The following DYM variants were observed in gnomAD, a reference collection of about 807,000 sequenced individuals.
DYM encodes the protein dyggve-Melchior-Clausen syndrome protein.
Under a neutral mutation model 93.1 loss-of-function variants are expected in DYM, and 78 were observed. The ratio of observed to expected loss-of-function variants is 0.84; its 90% CI spans 0.70 to 1.01. The LOEUF is 1.01. DYM is among the 50% of genes least tolerant of loss of function. The probability of loss-of-function intolerance (pLI) is 0.00; values close to 1 mark genes in which losing one functional copy is unlikely to be tolerated. For missense variants in DYM, 789 were observed against 845.0 expected, an observed-to-expected ratio of 0.93 and a Z score of 0.82; for synonymous variants, 321 against 319.7, an observed-to-expected ratio of 1.00 and a Z score of -0.04.
intron 17 of DYM, among the ~76,000 whole-genome samples, chr18:49,045,102 C>T (rs916037321): frequency 6.6e-6 from 1 of 152,176 alleles, no homozygotes; most frequent in Non-Finnish European, 1.5e-5. Context: ...GCCAAGGCGT[C>T]GCTGGCAGGA....
intron 14 of DYM, among the ~76,000 whole-genome samples, chr18:49,168,193 G>T (rs1375716272): frequency 6.6e-6 from 1 of 152,078 alleles, no homozygotes; most frequent in Admixed American, 6.5e-5. Context: ...GAAAAAGGGA[G>T]TCCAGCTCTC....
intron 1 of DYM, among the ~76,000 whole-genome samples, chr18:49,435,300 G>A (rs76322267): frequency 0.092 from 13,903 of 151,204 alleles, 859 homozygotes; most frequent in East Asian, 0.31. Flanking sequence ...AATTAGGAAT[G>A]CTTTGTTATT....
intron 14 of DYM, among the ~76,000 whole-genome samples, chr18:49,193,311 T>G (rs1370882740): frequency 6.6e-6 from 1 of 152,188 alleles, no homozygotes; most frequent in Non-Finnish European, 1.5e-5. Context: ...AAAAAATATT[T>G]TGTATGCATG....
chr18:49,393,010 AG>A (rs1262382173), intron 2 of DYM, among the ~76,000 whole-genome samples: 20 of 115,428 alleles, frequency 1.7e-4, no homozygotes, highest in African/African-American at 5.5e-4. Flanking sequence ...AAAAAAAAGA[AG>A]AAGAAGAAGA....
Position 49,118,743 on chromosome 18 carries a change from C to T in DYM, c.1911+1G>A, listed in dbSNP as rs1381393788. On this transcript the variant is annotated splice_donor_variant, in intron 16 of 17. Coordinates refer to ENST00000675505, the MANE Select transcript of DYM (RefSeq NM_001353214.3). LOFTEE classifies it high-confidence loss of function. ...TAATAAATGTCTTCATTTACACTCA[C>T]CAGATCAATATTTTGCATTATATCC... 3.7e-6 allele frequency: 6 copies of T among 1,612,396 alleles called. No homozygotes were observed. The Admixed American group carries it at 6.7e-5, about 18-fold the overall frequency.
At chr18:49,351,587 G>T (rs1198969842) in intron 6 of DYM, among the ~76,000 whole-genome samples, 1 of 137,420 alleles carries the variant, frequency 7.3e-6, no homozygotes, top group East Asian at 2.1e-4. Context: ...CCGAGGAAAA[G>T]AAAAAAAAAA....
chr18:49,404,441 T>C (rs1331092620), intron 2 of DYM, among the ~76,000 whole-genome samples: 1 of 152,250 alleles, frequency 6.6e-6, no homozygotes, highest in Admixed American at 6.5e-5. Context: ...TACCCAGTAA[T>C]AGGATTGCTG....
chr18:49,377,627 C>T (rs1173735019), intron 5 of DYM, among the ~76,000 whole-genome samples: 1 of 152,092 alleles, frequency 6.6e-6, no homozygotes, highest in African/African-American at 2.4e-5. Context: ...TCCCCATAGA[C>T]ATGGATATAC....
At chr18:49,245,463 G>C (rs1568093342) in intron 13 of DYM, among the ~76,000 whole-genome samples, 1 of 152,108 alleles carries the variant, frequency 6.6e-6, no homozygotes, top group Non-Finnish European at 1.5e-5. Context: ...CCTGGGGGTA[G>C]GTATATAGAT....
At chr18:49,310,251 T>C (rs1240402679) in intron 8 of DYM, among the ~76,000 whole-genome samples, 1 of 152,254 alleles carries the variant, frequency 6.6e-6, no homozygotes, top group African/African-American at 2.4e-5. Flanking sequence ...GGATTCAGTC[T>C]GTTTAACCTG....
At chr18:49,175,623 A>G (rs2089289050) in intron 14 of DYM, among the ~76,000 whole-genome samples, 1 of 152,192 alleles carries the variant, frequency 6.6e-6, no homozygotes, top group African/African-American at 2.4e-5. Context: ...AAAATAACAA[A>G]ACTCAGCACC....
At position 49,128,059 on chromosome 18, in the gene DYM, T is replaced by C. The variant is rs568757494; in HGVS notation, c.1729-9133A>G. ...TTAACATACACTACTGCAAAGGCAC[T>C]GGAGGCAGTGACAAGAGAACTGTGG... On this transcript the variant is annotated intron_variant, in intron 15 of 17. Coordinates refer to ENST00000675505, the MANE Select transcript of DYM (RefSeq NM_001353214.3). Among the ~76,000 whole-genome samples the C allele has an allele frequency of 1.7e-3, 258 of 152,334 alleles. 1 individual carries two copies. Among genetic ancestry groups the C allele is most frequent in the African/African-American group, 5.7e-3 (237 of 41,576 alleles).
intron 13 of DYM, among the ~76,000 whole-genome samples, chr18:49,240,137 TGGAA>T (rs2093975570): frequency 6.6e-6 from 1 of 152,182 alleles, no homozygotes; most frequent in South Asian, 2.1e-4. Flanking sequence ...ATTATACTGA[TGGAA>T]GGAAGGTATA....
intron 1 of DYM, among the ~76,000 whole-genome samples, chr18:49,439,126 C>T (rs928824240): frequency 3.3e-5 from 5 of 152,298 alleles, no homozygotes; most frequent in South Asian, 4.2e-4. Flanking sequence ...CTAGACCCAA[C>T]CTCTGGCCAG....
At chr18:49,127,386 A>G (rs542624171) in intron 15 of DYM, among the ~76,000 whole-genome samples, 1 of 152,356 alleles carries the variant, frequency 6.6e-6, no homozygotes, top group Non-Finnish European at 1.5e-5. Flanking sequence ...CAGCAGTCAG[A>G]GTTGCCTCTC....
At chr18:49,056,790 G>T (rs909218682) in intron 17 of DYM, among the ~76,000 whole-genome samples, 7 of 151,448 alleles carry the variant, frequency 4.6e-5, no homozygotes, top group African/African-American at 1.7e-4. Flanking sequence ...CTCATGATCC[G>T]CCCACCTTGG....
Position 49,209,423 on chromosome 18 carries a change from A to G in DYM, c.1625+128T>C, listed in dbSNP as rs1352500003. 8.0e-6 allele frequency: 5 copies of G among 625,972 alleles called. No homozygotes were observed. In the East Asian group the frequency reaches 4.3e-4, roughly 53 times the overall value. 38.8% of individuals were successfully genotyped at this position (625,972 alleles called of 1,614,324 possible). On this transcript the variant is annotated intron_variant, in intron 14 of 17. Coordinates refer to ENST00000675505, the MANE Select transcript of DYM (RefSeq NM_001353214.3). ...ATCCAGCTATTATTTTAAAAAAATT[A>G]TTTAGTACCATTTCAAATATAAATG...
At chr18:49,206,172 G>C (rs1207165546) in intron 14 of DYM, among the ~76,000 whole-genome samples, 2 of 151,680 alleles carry the variant, frequency 1.3e-5, no homozygotes, top group Non-Finnish European at 2.9e-5. Flanking sequence ...CTAATTTTTT[G>C]TATTTTTAGT....
At chr18:49,195,913 C>A (rs1261395652) in intron 14 of DYM, among the ~76,000 whole-genome samples, 1 of 115,796 alleles carries the variant, frequency 8.6e-6, no homozygotes, top group Non-Finnish European at 1.6e-5. Context: ...TGAATGCTAC[C>A]ATCTTTTTTT....
Sources: allele counts gnomAD v4.1 joint callset (sites outside exome capture counted in the v4.1 genomes callset), GRCh38; gene constraint gnomAD v4.1.1; transcripts MANE v1.5; gene names NCBI Gene and HGNC (gene_info 2026-07-23, HGNC 2026-07-21).